The following UPRT variants were observed in gnomAD, a reference collection of about 807,000 sequenced individuals.
UPRT encodes the protein uracil phosphoribosyltransferase homolog.
UPRT carries 5 observed loss-of-function variants against 22.6 expected under a neutral mutation model. The observed-to-expected ratio is 0.22, with a 90% CI of 0.12 to 0.47. The LOEUF (loss-of-function observed/expected upper bound fraction) is 0.47, where lower values mean the gene tolerates loss of function less well. Ranked by LOEUF, UPRT falls within the 20% of genes least tolerant of loss-of-function variation. The probability of loss-of-function intolerance (pLI) is 0.99; values close to 1 mark genes in which losing one functional copy is unlikely to be tolerated. For synonymous variants in UPRT, 77 were observed against 87.7 expected, an observed-to-expected ratio of 0.88 and a Z score of 0.68; for missense variants, 181 against 239.9, an observed-to-expected ratio of 0.75 and a Z score of 1.62.
At chrX:75,247,373 C>T (rs898056048) in intron 4 of UPRT, among the ~76,000 whole-genome samples, 13 of 111,641 alleles carry the variant, frequency 1.2e-4, no homozygotes, top group African/African-American at 4.2e-4. Flanking sequence ...TATCGGGTCA[C>T]TCCCACTCTA....
At chrX:75,169,853 C>T (rs988938972) in intron 4 of UPRT, among the ~76,000 whole-genome samples, 2 of 111,219 alleles carry the variant, frequency 1.8e-5, no homozygotes, top group Non-Finnish European at 3.8e-5. Flanking sequence ...GATGACCTGT[C>T]TAGTGCTGTC....
chrX:75,240,568 A>G (rs1157750711), intron 4 of UPRT, among the ~76,000 whole-genome samples: 1 of 111,749 alleles, frequency 8.9e-6, no homozygotes, highest in Admixed American at 9.6e-5. Flanking sequence ...TCACAGAGCT[A>G]GCAACAACAA....
chrX:75,297,933 T>TTCTG (rs1386317337), intron 4 of UPRT: 1 of 149,125 alleles, frequency 6.7e-6, no homozygotes, highest in African/African-American at 3.1e-5. Flanking sequence ...AAAATATTTC[T>TTCTG]TCTGTTTTTA....
intron 4 of UPRT, among the ~76,000 whole-genome samples, chrX:75,187,013 T>G (rs1280735420): frequency 9.0e-6 from 1 of 111,582 alleles, no homozygotes; most frequent in Non-Finnish European, 1.9e-5. Context: ...GAGCATTTAG[T>G]CCATTTACAT....
chrX:75,185,908 C>G (rs1355687421), intron 4 of UPRT, among the ~76,000 whole-genome samples: 5 of 111,475 alleles, frequency 4.5e-5, no homozygotes, highest in Non-Finnish European at 9.4e-5. Context: ...TGATTTTTCT[C>G]TCTTTTTTTC....
In UPRT at chrX:75,301,605, A is replaced by T. The variant is rs1392658019; in HGVS notation, c.823+640A>T. On this transcript the variant is annotated intron_variant, in intron 6 of 6. Coordinates refer to ENST00000373383, the MANE Select transcript of UPRT (RefSeq NM_145052.4). ...GTATACAAATGACTCACAATAAGGA[A>T]ATGGTTAAATAAATAATATATATTC... Among the ~76,000 whole-genome samples the T allele has an allele frequency of 2.7e-5, 3 of 112,204 alleles. No homozygotes were observed. The Admixed American group carries it at 2.8e-4, about 11-fold the overall frequency.
chrX:75,237,450 T>C (rs1047672272), intron 4 of UPRT, among the ~76,000 whole-genome samples: 31 of 111,261 alleles, frequency 2.8e-4, no homozygotes, highest in African/African-American at 9.8e-4. Flanking sequence ...CATTACTGGG[T>C]ATATACCCAA....
intron 4 of UPRT, among the ~76,000 whole-genome samples, chrX:75,236,934 C>G (rs968342901): frequency 8.9e-6 from 1 of 112,266 alleles, no homozygotes; most frequent in Admixed American, 9.4e-5. Context: ...CAACAAAAGC[C>G]AAAGTTGACA....
At chrX:75,187,807 G>A (rs2082299769) in intron 4 of UPRT, among the ~76,000 whole-genome samples, 1 of 111,228 alleles carries the variant, frequency 9.0e-6, no homozygotes, top group African/African-American at 3.3e-5. Context: ...TCTTCCAGTT[G>A]ACCGCATCAG....
chrX:75,292,093 C>T (rs755491630), intron 1 of UPRT, among the ~76,000 whole-genome samples: 21 of 111,659 alleles, frequency 1.9e-4, no homozygotes, highest in African/African-American at 6.5e-4. Context: ...TATATAACAC[C>T]GCATATGTCT....
intron 6 of UPRT, among the ~76,000 whole-genome samples, chrX:75,302,873 CA>C (rs1262957341): frequency 1.8e-5 from 2 of 110,550 alleles, no homozygotes; most frequent in Non-Finnish European, 3.8e-5. Context: ...CACAGTGTTT[CA>C]GTTGAGAAAC....
chrX:75,189,849 C>T (rs1367318525), intron 4 of UPRT, among the ~76,000 whole-genome samples: 2 of 111,773 alleles, frequency 1.8e-5, no homozygotes, highest in Non-Finnish European at 3.8e-5. Flanking sequence ...TCCTCCATCC[C>T]TTTATTTTGA....
At chrX:75,225,360 CACACA>C (rs1442978493) in intron 4 of UPRT, among the ~76,000 whole-genome samples, 7 of 109,674 alleles carry the variant, frequency 6.4e-5, no homozygotes, top group African/African-American at 2.3e-4. Context: ...CACACACACA[CACACA>C]CCCTAGGTGG....
chrX:75,267,790 T>A (rs2082595151), intron 4 of UPRT, among the ~76,000 whole-genome samples: 1 of 111,630 alleles, frequency 9.0e-6, no homozygotes, highest in South Asian at 3.7e-4. Context: ...TAGCACTAAA[T>A]GCCCACAAGA....
At chrX:75,176,459 T>G (rs927146304) in intron 4 of UPRT, among the ~76,000 whole-genome samples, 1 of 111,644 alleles carries the variant, frequency 9.0e-6, no homozygotes, top group Admixed American at 9.5e-5. Flanking sequence ...CTGTAGGACA[T>G]CTATGTACCT....
chrX:75,163,306 G>GGACC lies in UPRT; in HGVS notation c.-521+82_-521+85dup, dbSNP rs2082205039. Among the ~76,000 whole-genome samples the GGACC allele has an allele frequency of 2.7e-5, 3 of 111,898 alleles. No individual in the cohort carries two copies. In the South Asian group the frequency reaches 1.1e-3, roughly 42 times the overall value. On this transcript the variant is annotated intron_variant, in intron 3 of 13. Transcript: ENST00000652605. Reference sequence around the variant, plus strand: ...TGAACCTTTCTTTCAAGAAAGGACAGGACCCTCTTTTAAAGGGCTTGCCTG... The same window carrying GGACC: ...TGAACCTTTCTTTCAAGAAAGGACAGGACCGACCCTCTTTTAAAGGGCTTGCCTG...
chrX:75,233,581 G>A (rs1221538687), intron 4 of UPRT, among the ~76,000 whole-genome samples: 3 of 110,898 alleles, frequency 2.7e-5, no homozygotes, highest in Non-Finnish European at 5.7e-5. Flanking sequence ...GACTAACAGC[G>A]GATCTCTCAG....
At chrX:75,254,693 G>A (rs1016303594) in intron 4 of UPRT, among the ~76,000 whole-genome samples, 29 of 108,642 alleles carry the variant, frequency 2.7e-4, no homozygotes, top group South Asian at 1.2e-3. Flanking sequence ...TGGGAAATTC[G>A]CCTCAAAAAG....
chrX:75,156,379 A>G, upstream of UPRT: 1 of 908,802 alleles, frequency 1.1e-6, no homozygotes, highest in Non-Finnish European at 1.6e-6. Context: ...AGGGCCCCAG[A>G]CCGGAAATGG....
Sources: allele counts gnomAD v4.1 joint callset (sites outside exome capture counted in the v4.1 genomes callset), GRCh38; gene constraint gnomAD v4.1.1; transcripts MANE v1.5; gene names NCBI Gene and HGNC (gene_info 2026-07-23, HGNC 2026-07-21).